Variants in CHUK observed in about 807,000 individuals in gnomAD.
CHUK encodes the protein inhibitor of nuclear factor kappa-B kinase subunit alpha.
Under a neutral mutation model 104.8 loss-of-function variants are expected in CHUK, and 35 were observed. The observed-to-expected ratio is 0.33, with a 90% CI of 0.26 to 0.44. CHUK has a LOEUF of 0.44. Ranked by LOEUF, CHUK falls within the 20% of genes least tolerant of loss-of-function variation. The pLI is 1.00. For synonymous variants in CHUK, 276 were observed against 291.9 expected (o/e 0.95, Z 0.56); for missense variants, 663 against 902.7 (o/e 0.73, Z 3.40).
chr10:100,219,327 G>A lies in CHUK; in HGVS notation c.507C>T (p.Ala169=). ...IIHKIIDLGY[A]KDVDQGSLCT... is the part of the protein sequence containing the mutation. ...ACAGACTTCCTTGATCAACATCTTT[G>A]GCATATCCCAGATCAATTATTTTAT... Residue 169 remains alanine (A), a synonymous_variant, in exon 6 of 21, where the codon GCC becomes GCT. Transcript: ENST00000370397. 1.3e-6 allele frequency: 2 copies of A among 1,592,932 alleles called. No homozygotes were observed. The highest frequency in any genetic ancestry group is 8.6e-7 in the Non-Finnish European group (1 of 1,160,812).
chr10:100,194,183 A>G (rs1845271590), intron 17 of CHUK, 52 bp from the exon 18 acceptor site: 2 of 1,597,492 alleles, frequency 1.3e-6, no homozygotes, highest in Non-Finnish European at 1.7e-6. Context: ...AAGACTGTAC[A>G]CCATATTCCC....
intron 16 of CHUK, among the ~76,000 whole-genome samples, chr10:100,196,473 ACCT>A (rs998960095): frequency 6.0e-5 from 9 of 149,214 alleles, no homozygotes; most frequent in Non-Finnish European, 1.3e-4. Flanking sequence ...TGCAGCCTCG[ACCT>A]CCTGGGCCTC....
chr10:100,224,747 T>G (rs1037470921), intron 2 of CHUK, among the ~76,000 whole-genome samples: 10 of 152,146 alleles, frequency 6.6e-5, no homozygotes, highest in African/African-American at 2.4e-4. Flanking sequence ...CTAGCTGACT[T>G]TTGTTAACTG....
chr10:100,220,546 T>C lies in CHUK; in HGVS notation c.474+42A>G, dbSNP rs750582548. Reference sequence around the variant, plus strand: ...CAAGGACTAACTATATCAGAGAGACTATATTCAATAGGCATGAAACATTAC... The same window carrying C: ...CAAGGACTAACTATATCAGAGAGACCATATTCAATAGGCATGAAACATTAC... On this transcript the variant is annotated intron_variant, in intron 5 of 20. Coordinates refer to ENST00000370397, the MANE Select transcript of CHUK (RefSeq NM_001278.5). The C allele has an allele frequency of 4.7e-5, 61 of 1,284,488 alleles. 1 individual carries two copies. In the South Asian group the frequency reaches 7.0e-4, roughly 15 times the overall value. 79.6% of individuals were successfully genotyped at this position (1,284,488 alleles called of 1,614,324 possible). A position where few individuals can be genotyped will look rare whatever the true frequency, so the allele number is the denominator to read the frequency against.
chr10:100,213,883 TGTGAATTCCAAATGTCATAACACAATTG>T (rs1398788980), intron 9 of CHUK, among the ~76,000 whole-genome samples: 1 of 152,256 alleles, frequency 6.6e-6, no homozygotes, highest in Admixed American at 6.5e-5. Context: ...ATCCTTTTCA[TGTGAATTCCAAATGTCATAACACAATTG>T]CCAGTATTTC....
chr10:100,209,269 G>A (rs921590062), intron 10 of CHUK, among the ~76,000 whole-genome samples: 1 of 152,142 alleles, frequency 6.6e-6, no homozygotes, highest in Non-Finnish European at 1.5e-5. Context: ...ACCTGTAACT[G>A]GTTACAGAAA....
rs1029149467 is a variant in CHUK at position 100,223,099 on chromosome 10, T to C, written c.201-119A>G. 13 of 575,140 alleles carry C rather than the reference T, an allele frequency of 2.3e-5. No individual in the cohort carries two copies. The African/African-American group carries it at 2.3e-4, about 10-fold the overall frequency. The allele number at this position is 575,140 out of a possible 1,614,324, so 35.6% of individuals were successfully genotyped here. A position where few individuals can be genotyped will look rare whatever the true frequency, so the allele number is the denominator to read the frequency against. ...GAGGGGGAAAGATCAGTATTATTTATAATATTCTAATTTCTGATTTGTATA... is the reference window on the plus strand; with the variant it reads ...GAGGGGGAAAGATCAGTATTATTTACAATATTCTAATTTCTGATTTGTATA... On this transcript the variant is annotated intron_variant, in intron 2 of 20. Coordinates refer to ENST00000370397, the MANE Select transcript of CHUK (RefSeq NM_001278.5).
intron 14 of CHUK, 143 bp downstream of exon 14, chr10:100,201,944 CT>C (rs1845472874): frequency 2.8e-6 from 2 of 707,332 alleles, no homozygotes; most frequent in Admixed American, 2.1e-5. Context: ...ATACATCCCT[CT>C]TTATATACAA....
At chr10:100,189,778 T>C in intron 20 of CHUK, 151 bp from the exon 21 acceptor site, 1 of 609,648 alleles carries the variant, frequency 1.6e-6, no homozygotes, top group Non-Finnish European at 2.9e-6. Flanking sequence ...TTAAAAAAAT[T>C]TCAGAGTTTT....
chr10:100,221,272 T>G (rs927385308), intron 4 of CHUK, among the ~76,000 whole-genome samples: 2 of 151,996 alleles, frequency 1.3e-5, no homozygotes, highest in African/African-American at 4.8e-5. Context: ...CCGTCTCTGT[T>G]AAAAATACAA....
Position 100,218,993 on chromosome 10 carries a change from T to G in CHUK, c.689+15A>C, listed in dbSNP as rs1227830320. On this transcript the variant is annotated intron_variant, in intron 7 of 20. Transcript: ENST00000370397. Reference sequence around the variant, plus strand: ...ATTCCCATTAAGCATGCCCAAGTTCTCATCCATTTCTTACCAGGTAAATGG... The same window carrying G: ...ATTCCCATTAAGCATGCCCAAGTTCGCATCCATTTCTTACCAGGTAAATGG... 1.2e-6 allele frequency: 2 copies of G among 1,613,966 alleles called. No homozygotes were observed. Among genetic ancestry groups the G allele is most frequent in the South Asian group, 2.2e-5 (2 of 91,074 alleles).
intron 16 of CHUK, chr10:100,196,046 C>T (rs1845318087): frequency 6.6e-6 from 1 of 152,218 alleles, no homozygotes; most frequent in Non-Finnish European, 1.5e-5. Flanking sequence ...TCAAGCAATT[C>T]TCCTGCCTCA....
At chr10:100,199,893 A>C in intron 16 of CHUK, 78 bp downstream of exon 16, 1 of 1,063,620 alleles carries the variant, frequency 9.4e-7, no homozygotes, top group South Asian at 1.3e-5. Context: ...TAACTTAAAA[A>C]TATTAGATCC....
At chr10:100,223,080 G>T in intron 2 of CHUK, 100 bp from the exon 3 acceptor site, 1 of 668,022 alleles carries the variant, frequency 1.5e-6, no homozygotes, top group Non-Finnish European at 2.7e-6. Flanking sequence ...AACAGAGGGG[G>T]AAAGATCAGT....
At chr10:100,216,889 T>C (rs779155499) in intron 9 of CHUK, among the ~76,000 whole-genome samples, 7 of 152,066 alleles carry the variant, frequency 4.6e-5, no homozygotes, top group African/African-American at 7.2e-5. Flanking sequence ...GGGTGGGTGA[T>C]TGTTAATAAA....
At chr10:100,193,023 A>G (rs1845239382) in intron 19 of CHUK, 2 of 447,690 alleles carry the variant, frequency 4.5e-6, no homozygotes, top group South Asian at 2.3e-5. Context: ...ATTTGAGCTA[A>G]TAATACGCAA....
intron 17 of CHUK, 112 bp from the exon 18 acceptor site, chr10:100,194,243 T>C (rs1589576157): frequency 7.7e-7 from 1 of 1,291,050 alleles, no homozygotes; most frequent in East Asian, 2.4e-5. Context: ...TTTAATGACT[T>C]ATCTCCAAAG....
chr10:100,228,581 G>A (rs1161886057), intron 1 of CHUK, among the ~76,000 whole-genome samples: 1 of 152,016 alleles, frequency 6.6e-6, no homozygotes, highest in African/African-American at 2.4e-5. Flanking sequence ...GCTTGAACTC[G>A]GGAGGAGGAG....
chr10:100,218,588 A>G, intron 8 of CHUK, 130 bp downstream of exon 8: 4 of 722,210 alleles, frequency 5.5e-6, no homozygotes, highest in Non-Finnish European at 7.4e-6. Context: ...GCCAACAGAA[A>G]TATAGAAGGT....
Sources: allele counts gnomAD v4.1 joint callset (sites outside exome capture counted in the v4.1 genomes callset), GRCh38; gene constraint gnomAD v4.1.1; transcripts MANE v1.5; gene names NCBI Gene and HGNC (gene_info 2026-07-23, HGNC 2026-07-21).